CDYL: variants seen among roughly 807,000 people sequenced by gnomAD.
The protein encoded by CDYL is chromodomain Y-like protein.
In CDYL, 8 loss-of-function variants were observed where a neutral mutation model predicts 47.3. The ratio of observed to expected loss-of-function variants is 0.17; its 90% CI spans 0.10 to 0.31. The LOEUF is 0.31. CDYL is among the 10% of genes least tolerant of loss of function. The pLI is 1.00. For missense variants in CDYL, 471 were observed against 701.4 expected, an observed-to-expected ratio of 0.67 and a Z score of 3.71; for synonymous variants, 266 against 265.0, an observed-to-expected ratio of 1.00 and a Z score of -0.04.
chr6:4,782,862 A>G (rs140879536), intron 1 of CDYL, among the ~76,000 whole-genome samples: 77 of 152,340 alleles, frequency 5.1e-4, no homozygotes, highest in African/African-American at 1.8e-3. Flanking sequence ...CAGTAAAACC[A>G]TATTAAAACC....
chr6:4,790,214 G>A (rs76527834), intron 1 of CDYL, among the ~76,000 whole-genome samples: 3 of 152,202 alleles, frequency 2.0e-5, no homozygotes, highest in Admixed American at 6.5e-5. Flanking sequence ...AAAGCCTTGA[G>A]TTTATAAAGT....
chr6:4,749,354 AGATGGATG>A (rs139270172), intron 3 of CDYL, among the ~76,000 whole-genome samples: 105,474 of 148,988 alleles, frequency 0.71, 41,939 homozygotes, highest in Non-Finnish European at 0.89. Flanking sequence ...GATATGAGAT[AGATGGATG>A]GATGGATGAA....
At position 4,793,479 on chromosome 6, in the gene CDYL, G is replaced by A. The variant is rs142754643; in HGVS notation, c.24+16672G>A. Among the ~76,000 whole-genome samples, 322 of 152,300 alleles carry A rather than the reference G, an allele frequency of 2.1e-3. 1 individual carries two copies. Among genetic ancestry groups the A allele is most frequent in the Middle Eastern group, 0.01 (3 of 294 alleles). On this transcript the variant is annotated intron_variant, in intron 1 of 6. Coordinates refer to ENST00000397588, the MANE Select transcript of CDYL (RefSeq NM_004824.4). ...TCTGGAAACCAAGGGAGAGAATGGC[G>A]GATGAGGTTGGGGGTACTTGTAGGA... is the stretch of plus-strand genomic sequence containing the variant.
chr6:4,946,956 C>T (rs1314083617), intron 5 of CDYL, among the ~76,000 whole-genome samples: 4 of 152,194 alleles, frequency 2.6e-5, no homozygotes, highest in Non-Finnish European at 4.4e-5. Context: ...TCCCAGCAGC[C>T]AGGTCAGACC....
At chr6:4,723,047 G>A (rs1413499353) in intron 2 of CDYL, among the ~76,000 whole-genome samples, 1 of 152,088 alleles carries the variant, frequency 6.6e-6, no homozygotes, top group Non-Finnish European at 1.5e-5. Context: ...ATAAAGTACA[G>A]GCAGCCCTTC....
intron 3 of CDYL, among the ~76,000 whole-genome samples, chr6:4,742,846 C>T (rs1446656283): frequency 6.6e-6 from 1 of 152,240 alleles, no homozygotes; most frequent in Non-Finnish European, 1.5e-5. Flanking sequence ...CTTGAAGCTG[C>T]ATGGTTTCCA....
chr6:4,771,912 A>G (rs886214493), upstream of CDYL, among the ~76,000 whole-genome samples: 1 of 152,220 alleles, frequency 6.6e-6, no homozygotes, highest in Non-Finnish European at 1.5e-5. Flanking sequence ...ACCTGTGCCT[A>G]TTTCCTCTTT....
At chr6:4,832,909 G>A (rs1387699232) in intron 1 of CDYL, among the ~76,000 whole-genome samples, 7 of 151,032 alleles carry the variant, frequency 4.6e-5, no homozygotes, top group East Asian at 1.9e-4. Context: ...ATTTCTGTGG[G>A]ATCAGTGGTG....
intron 1 of CDYL, among the ~76,000 whole-genome samples, chr6:4,713,533 A>G (rs6597090): frequency 1 from 151,741 of 151,870 alleles, 75,807 homozygotes; most frequent in Middle Eastern, 1. Flanking sequence ...CAGGTATTTC[A>G]GTATGACTTA....
At chr6:4,892,823 G>C (rs754892547) in intron 2 of CDYL, among the ~76,000 whole-genome samples, 1 of 152,212 alleles carries the variant, frequency 6.6e-6, no homozygotes, top group Non-Finnish European at 1.5e-5. Context: ...CTTTCAGTGG[G>C]AGCGTTGCTA....
chr6:4,828,521 A>G (rs1760044719), intron 1 of CDYL, among the ~76,000 whole-genome samples: 1 of 152,110 alleles, frequency 6.6e-6, no homozygotes, highest in South Asian at 2.1e-4. Context: ...GTGCTTGTCA[A>G]GTCACCTCCT....
chr6:4,908,411 T>C (rs1757304266), intron 2 of CDYL, among the ~76,000 whole-genome samples: 1 of 152,166 alleles, frequency 6.6e-6, no homozygotes, highest in Admixed American at 6.5e-5. Context: ...GAAACACTGA[T>C]CTGGGCTGAA....
At chr6:4,862,837 A>G (rs1581220123) in intron 1 of CDYL, among the ~76,000 whole-genome samples, 1 of 152,310 alleles carries the variant, frequency 6.6e-6, no homozygotes, top group East Asian at 1.9e-4. Context: ...TTGACCCAGC[A>G]ATCCCTCTAC....
chr6:4,909,228 T>A (rs2127499026), intron 2 of CDYL, among the ~76,000 whole-genome samples: 1 of 152,320 alleles, frequency 6.6e-6, no homozygotes, highest in East Asian at 1.9e-4. Context: ...AAGCCCTGTA[T>A]TAAACTTATT....
chr6:4,917,898 G>A (rs1757601899), intron 2 of CDYL, among the ~76,000 whole-genome samples: 1 of 152,170 alleles, frequency 6.6e-6, no homozygotes, highest in African/African-American at 2.4e-5. Context: ...GCACTTGAAC[G>A]TCTTAGCTTA....
chr6:4,712,620 G>A (rs898811103), intron 1 of CDYL, among the ~76,000 whole-genome samples: 1 of 152,170 alleles, frequency 6.6e-6, no homozygotes, highest in Non-Finnish European at 1.5e-5. Context: ...TCCACACTGG[G>A]ATATTCACTA....
intron 2 of CDYL, among the ~76,000 whole-genome samples, chr6:4,723,521 G>A (rs182842781): frequency 6.6e-6 from 1 of 152,284 alleles, no homozygotes; most frequent in East Asian, 1.9e-4. Context: ...TAGCAAGAGT[G>A]GGGGCTGCCA....
chr6:4,899,015 C>G (rs921268502), intron 2 of CDYL, among the ~76,000 whole-genome samples: 1 of 152,190 alleles, frequency 6.6e-6, no homozygotes, highest in African/African-American at 2.4e-5. Context: ...TAGAGCAAAA[C>G]TTAGGTGTAC....
upstream of CDYL, among the ~76,000 whole-genome samples, chr6:4,772,117 C>G (rs974415698): frequency 6.6e-6 from 1 of 152,196 alleles, no homozygotes; most frequent in African/African-American, 2.4e-5. Flanking sequence ...GTTGAAAAAG[C>G]AAATGATCCT....
Sources: allele counts gnomAD v4.1 joint callset (sites outside exome capture counted in the v4.1 genomes callset), GRCh38; gene constraint gnomAD v4.1.1; transcripts MANE v1.5; gene names NCBI Gene and HGNC (gene_info 2026-07-23, HGNC 2026-07-21).